Variants in SGCG observed in about 807,000 individuals in gnomAD.
SGCG encodes the protein sarcoglycan gamma.
SGCG carries 26 observed loss-of-function variants against 29.3 expected under a neutral mutation model. That is an observed-to-expected ratio of 0.89 (90% CI 0.65 to 1.23). SGCG has a LOEUF of 1.23. Among genes scored for constraint, SGCG ranks in the 50% most tolerant of loss-of-function variants. The pLI, the probability that SGCG is intolerant of heterozygous loss-of-function variation, is 0.00. For synonymous variants in SGCG, 145 were observed against 129.7 expected, an observed-to-expected ratio of 1.12 and a Z score of -0.80; for missense variants, 353 against 356.0, an observed-to-expected ratio of 0.99 and a Z score of 0.07.
intron 2 of SGCG, among the ~76,000 whole-genome samples, chr13:23,212,889 C>T (rs1878280148): frequency 6.6e-6 from 1 of 152,138 alleles, no homozygotes; most frequent in Non-Finnish European, 1.5e-5. Context: ...GCATGAGTAG[C>T]AGGAGTCCTT....
intron 2 of SGCG, among the ~76,000 whole-genome samples, chr13:23,233,340 A>G (rs1879181193): frequency 6.6e-6 from 1 of 152,224 alleles, no homozygotes; most frequent in South Asian, 2.1e-4. Flanking sequence ...ATATGATTCC[A>G]CTTACATAAG....
intron 2 of SGCG, among the ~76,000 whole-genome samples, chr13:23,220,462 A>C (rs1878615586): frequency 1.3e-5 from 2 of 152,186 alleles, no homozygotes; most frequent in African/African-American, 4.8e-5. Context: ...ATAAATAAGT[A>C]AATAAACAAA....
At chr13:23,235,344 A>C (rs531375887) in intron 3 of SGCG, among the ~76,000 whole-genome samples, 22 of 152,002 alleles carry the variant, frequency 1.4e-4, no homozygotes, top group Non-Finnish European at 2.9e-4. Context: ...GGGCAACAAG[A>C]GCAAAACTCC....
At chr13:23,169,046 T>C in the SGCG span, among the ~76,000 whole-genome samples, 32 of 151,466 alleles carry the variant, frequency 2.1e-4, no homozygotes, top group Non-Finnish European at 4.0e-4. Context: ...GTAATTTATA[T>C]ATATATAAAT....
At chr13:23,281,641 G>A (rs912606092) in intron 5 of SGCG, among the ~76,000 whole-genome samples, 1 of 152,186 alleles carries the variant, frequency 6.6e-6, no homozygotes, top group South Asian at 2.1e-4. Context: ...TGTTTTCACA[G>A]TGTGGGAGAT....
At chr13:23,240,935 C>T (rs1016822208) in intron 3 of SGCG, among the ~76,000 whole-genome samples, 4 of 151,948 alleles carry the variant, frequency 2.6e-5, no homozygotes, top group African/African-American at 7.2e-5. Flanking sequence ...AGGCGGATCA[C>T]GAGGTCAGGA....
Position 23,234,713 on chromosome 13 carries a change from G to C in SGCG, c.297+1G>C, listed in dbSNP as rs1448630246. 2 of 1,534,418 alleles carry C rather than the reference G, an allele frequency of 1.3e-6. No homozygotes were observed. ...TGCCAAAGAAATACACTCCAGAGTGGTAAGAAAATGTTAAGACAAATAATT... is the reference window on the plus strand; with the variant it reads ...TGCCAAAGAAATACACTCCAGAGTGCTAAGAAAATGTTAAGACAAATAATT... On this transcript the variant is annotated splice_donor_variant, in intron 3 of 7. Coordinates refer to ENST00000218867, the MANE Select transcript of SGCG (RefSeq NM_000231.3). LOFTEE classifies it high-confidence loss of function.
chr13:23,171,307 T>C, the SGCG span, among the ~76,000 whole-genome samples: 11 of 152,320 alleles, frequency 7.2e-5, no homozygotes, highest in African/African-American at 2.4e-4. Context: ...AAATGGGAGA[T>C]AGTATTATTC....
intron 3 of SGCG, among the ~76,000 whole-genome samples, chr13:23,236,785 A>G (rs1178713405): frequency 6.6e-6 from 1 of 152,192 alleles, no homozygotes; most frequent in Non-Finnish European, 1.5e-5. Flanking sequence ...AATATCTTAG[A>G]TAATCACATA....
intron 1 of SGCG, among the ~76,000 whole-genome samples, chr13:23,190,433 A>G (rs12876602): frequency 0.61 from 92,301 of 151,746 alleles, 29,062 homozygotes; most frequent in African/African-American, 0.78. Context: ...AAGCATAATG[A>G]CTTCTCTATG....
rs143707855 is a variant in SGCG at position 23,233,474 on chromosome 13, A to C, written c.196-1137A>C. On this transcript the variant is annotated intron_variant, in intron 2 of 7. Coordinates refer to ENST00000218867, the MANE Select transcript of SGCG (RefSeq NM_000231.3). The stretch of plus-strand genomic sequence containing the variant: ...ATTACAATGTCTCAATTACATATTA[A>C]AACTTTAAAACAAGAAAGTAGAACG... 4.9e-4 allele frequency among the ~76,000 whole-genome samples: 74 copies of C among 152,304 alleles called. No homozygotes were observed. In the East Asian group the frequency reaches 0.014, roughly 29 times the overall value.
rs562663147 is a variant in SGCG at position 23,253,203 on chromosome 13, C to T, written c.385+2486C>T. On this transcript the variant is annotated intron_variant, in intron 4 of 7. Coordinates refer to ENST00000218867, the MANE Select transcript of SGCG (RefSeq NM_000231.3). Reference sequence around the variant, plus strand: ...TCAGGGCTTCAGTGAGCTATGATCACGCCATTACACTCCAGCTTGGGTGAG... The same window carrying T: ...TCAGGGCTTCAGTGAGCTATGATCATGCCATTACACTCCAGCTTGGGTGAG... 3.3e-5 allele frequency among the ~76,000 whole-genome samples: 5 copies of T among 152,176 alleles called. No homozygotes were observed. The East Asian group carries it at 5.8e-4, about 18-fold the overall frequency.
intron 1 of SGCG, among the ~76,000 whole-genome samples, chr13:23,188,013 C>T (rs1484869831): frequency 3.3e-5 from 5 of 152,222 alleles, no homozygotes; most frequent in African/African-American, 2.4e-5. Context: ...CCCACAGGGG[C>T]ACCAGCAGGT....
intron 1 of SGCG, among the ~76,000 whole-genome samples, chr13:23,196,291 A>G (rs1340985212): frequency 6.6e-6 from 1 of 152,042 alleles, no homozygotes; most frequent in African/African-American, 2.4e-5. Context: ...TTTTGTTTCT[A>G]GTTGTTTCCT....
chr13:23,238,808 T>A (rs565135128), intron 3 of SGCG, among the ~76,000 whole-genome samples: 2 of 152,258 alleles, frequency 1.3e-5, no homozygotes, highest in Admixed American at 6.5e-5. Context: ...ACTGAAATTT[T>A]TAAAAAGCCA....
the SGCG span, among the ~76,000 whole-genome samples, chr13:23,174,742 G>A: frequency 6.6e-6 from 1 of 152,216 alleles, no homozygotes; most frequent in African/African-American, 2.4e-5. Context: ...GAAACACTGA[G>A]TGGCACTGGT....
At chr13:23,169,351 T>C in the SGCG span, among the ~76,000 whole-genome samples, 21 of 151,712 alleles carry the variant, frequency 1.4e-4, no homozygotes, top group Admixed American at 5.3e-4. Context: ...ATTCTTCCAT[T>C]TGTCAGGAAC....
intron 3 of SGCG, among the ~76,000 whole-genome samples, chr13:23,242,031 C>A (rs1879533523): frequency 6.6e-6 from 1 of 152,052 alleles, no homozygotes; most frequent in Admixed American, 6.5e-5. Context: ...AACCTTGAAC[C>A]AGACTGAATA....
At chr13:23,324,099 C>T (rs1883142750) in intron 7 of SGCG, among the ~76,000 whole-genome samples, 1 of 152,162 alleles carries the variant, frequency 6.6e-6, no homozygotes, top group Admixed American at 6.5e-5. Context: ...CACAATGGGG[C>T]CACATTTCTC....
Sources: gnomAD v4.1 joint callset for allele counts (sites outside exome capture counted in the v4.1 genomes callset) on GRCh38, gnomAD v4.1.1 for gene constraint, MANE v1.5 for transcripts, NCBI Gene and HGNC (gene_info 2026-07-23, HGNC 2026-07-21) for gene names.